The following ABCA13 variants were observed in gnomAD, a reference collection of about 807,000 sequenced individuals.
The protein encoded by ABCA13 is ATP-binding cassette sub-family A member 13.
Under a neutral mutation model 478.7 loss-of-function variants are expected in ABCA13, and 476 were observed. The observed-to-expected ratio is 0.99, with a 90% CI of 0.92 to 1.07. The LOEUF is 1.07. Among genes scored for constraint, ABCA13 ranks in the 50% least tolerant of loss-of-function variants. The probability of loss-of-function intolerance (pLI) is 0.00; values close to 1 mark genes in which losing one functional copy is unlikely to be tolerated. For missense variants in ABCA13, 6,060 were observed against 5,910.6 expected (o/e 1.03, Z -0.83); for synonymous variants, 2,252 against 2,158.9 (o/e 1.04, Z -1.20).
chr7:48,483,270 A>G (rs886953001), intron 47 of ABCA13, 107 bp downstream of exon 47: 1 of 951,278 alleles, frequency 1.1e-6, no homozygotes, highest in African/African-American at 1.7e-5. Flanking sequence ...ATTAAATCCA[A>G]TCATTTGTTA....
intron 55 of ABCA13, among the ~76,000 whole-genome samples, chr7:48,564,295 A>G (rs1384237454): frequency 1.3e-5 from 2 of 151,892 alleles, no homozygotes; most frequent in East Asian, 1.9e-4. Context: ...GGTAAAATAC[A>G]TTAGAATCTC....
chr7:48,512,584 G>A (rs1831784849), intron 51 of ABCA13, among the ~76,000 whole-genome samples: 1 of 152,114 alleles, frequency 6.6e-6, no homozygotes, highest in Non-Finnish European at 1.5e-5. Flanking sequence ...TCTATTTCAA[G>A]TAAAATAGAC....
At chr7:48,449,063 G>A (rs915026800) in intron 42 of ABCA13, among the ~76,000 whole-genome samples, 4 of 152,062 alleles carry the variant, frequency 2.6e-5, no homozygotes, top group African/African-American at 9.7e-5. Flanking sequence ...GGCTGGTCTC[G>A]AACTCTTGAC....
At chr7:48,242,537 A>T (rs1260634581) in intron 10 of ABCA13, among the ~76,000 whole-genome samples, 1 of 152,078 alleles carries the variant, frequency 6.6e-6, no homozygotes, top group Non-Finnish European at 1.5e-5. Context: ...TCTCAGACTC[A>T]AGCGATTCTC....
intron 41 of ABCA13, among the ~76,000 whole-genome samples, chr7:48,420,040 T>C (rs1378796618): frequency 2.6e-5 from 4 of 152,192 alleles, no homozygotes; most frequent in Admixed American, 2.6e-4. Context: ...TTGGCGAGCA[T>C]TGACTTTCCT....
chr7:48,215,486 A>G (rs1262410702), intron 3 of ABCA13, among the ~76,000 whole-genome samples: 3 of 152,206 alleles, frequency 2.0e-5, no homozygotes, highest in African/African-American at 7.2e-5. Flanking sequence ...AAAATGTGAC[A>G]CAGAGACACA....
rs1192196197 is a variant in ABCA13 at position 48,349,316 on chromosome 7, G to A, written c.10205-1327G>A. Among the ~76,000 whole-genome samples, 3 of 152,172 alleles carry A rather than the reference G, an allele frequency of 2.0e-5. No individual in the cohort carries two copies. In the East Asian group the frequency reaches 5.8e-4, roughly 29 times the overall value. Reference sequence around the variant, plus strand: ...TAATGAATAACAGTCTTTTCTTTGAGAAACTGTGCAATGTAGGTTGAGGGG... The same window carrying A: ...TAATGAATAACAGTCTTTTCTTTGAAAAACTGTGCAATGTAGGTTGAGGGG... On this transcript the variant is annotated intron_variant, in intron 29 of 61. Coordinates refer to ENST00000435803, the MANE Select transcript of ABCA13 (RefSeq NM_152701.5).
chr7:48,391,893 C>A, intron 37 of ABCA13, 28 bp from the exon 38 acceptor site: 1 of 1,604,204 alleles, frequency 6.2e-7, no homozygotes, highest in East Asian at 2.2e-5. Context: ...AACGCGTATT[C>A]TCCATGCTGT....
chr7:48,543,276 T>G (rs1414199873), intron 55 of ABCA13, among the ~76,000 whole-genome samples: 1 of 151,818 alleles, frequency 6.6e-6, no homozygotes, highest in Non-Finnish European at 1.5e-5. Context: ...AAAGCATTAA[T>G]AGGTATAATA....
chr7:48,227,503 T>A, intron 6 of ABCA13, 78 bp downstream of exon 6: 1 of 1,482,196 alleles, frequency 6.7e-7, no homozygotes, highest in Non-Finnish European at 9.1e-7. Flanking sequence ...AAATAAAAAT[T>A]ACTAATTGTT....
At chr7:48,394,618 G>A (rs552903660) in intron 38 of ABCA13, among the ~76,000 whole-genome samples, 1 of 152,262 alleles carries the variant, frequency 6.6e-6, no homozygotes, top group East Asian at 1.9e-4. Context: ...CTACAGGGAC[G>A]TAGTCTGTTT....
At chr7:48,212,869 A>G (rs903313735) in intron 3 of ABCA13, among the ~76,000 whole-genome samples, 1 of 152,150 alleles carries the variant, frequency 6.6e-6, no homozygotes. Flanking sequence ...TGTATTGCAA[A>G]TATTATTTTC....
chr7:48,262,070 G>A (rs1794259251), intron 15 of ABCA13, among the ~76,000 whole-genome samples: 1 of 151,888 alleles, frequency 6.6e-6, no homozygotes, highest in African/African-American at 2.4e-5. Context: ...CAGATGGAAA[G>A]GAATAGACCT....
At chr7:48,523,224 T>A (rs989154662) in intron 53 of ABCA13, among the ~76,000 whole-genome samples, 2 of 152,178 alleles carry the variant, frequency 1.3e-5, no homozygotes, top group Non-Finnish European at 2.9e-5. Context: ...GAATTCTGAG[T>A]ATCTAGCTAT....
chr7:48,173,284 C>A (rs746214851), intron 1 of ABCA13, among the ~76,000 whole-genome samples: 1 of 152,168 alleles, frequency 6.6e-6, no homozygotes, highest in South Asian at 2.1e-4. Context: ...TTGCCGATTG[C>A]CTCTGGATCC....
intron 55 of ABCA13, among the ~76,000 whole-genome samples, chr7:48,534,492 A>T (rs1192645644): frequency 3.9e-5 from 6 of 152,084 alleles, no homozygotes; most frequent in African/African-American, 2.4e-5. Context: ...GTAGGTGATG[A>T]TCTTTTTTCA....
At chr7:48,589,428 A>G (rs1789512076) in intron 57 of ABCA13, among the ~76,000 whole-genome samples, 1 of 152,184 alleles carries the variant, frequency 6.6e-6, no homozygotes, top group Non-Finnish European at 1.5e-5. Flanking sequence ...ATGGAAGTAT[A>G]ATTAACTGAT....
intron 31 of ABCA13, among the ~76,000 whole-genome samples, chr7:48,361,077 C>T (rs1044133779): frequency 1.3e-5 from 2 of 148,710 alleles, no homozygotes; most frequent in African/African-American, 5.0e-5. Context: ...GCCTGGGCAA[C>T]AGAGTGAGAC....
chr7:48,298,564 C>CCTG, intron 23 of ABCA13, 77 bp downstream of exon 23: 1 of 1,492,962 alleles, frequency 6.7e-7, no homozygotes, highest in South Asian at 1.4e-5. Context: ...CTGTGTTGTC[C>CCTG]TTTCTTCCTT....
Sources: allele counts gnomAD v4.1 joint callset (sites outside exome capture counted in the v4.1 genomes callset), GRCh38; gene constraint gnomAD v4.1.1; transcripts MANE v1.5; gene names NCBI Gene and HGNC (gene_info 2026-07-23, HGNC 2026-07-21).